Variants in NKAIN3 observed in about 807,000 individuals in gnomAD.
The protein encoded by NKAIN3 is sodium/potassium-transporting ATPase subunit beta-1-interacting protein 3.
In NKAIN3, 25 loss-of-function variants were observed where a neutral mutation model predicts 30.2. The ratio of observed to expected loss-of-function variants is 0.83; its 90% CI spans 0.60 to 1.16. The LOEUF is 1.16. NKAIN3 is among the 50% of genes most tolerant of loss of function. The pLI, the probability that NKAIN3 is intolerant of heterozygous loss-of-function variation, is 0.00. For missense variants in NKAIN3, 225 were observed against 254.1 expected (o/e 0.89, Z 0.78); for synonymous variants, 91 against 89.6 (o/e 1.02, Z -0.09).
At chr8:62,451,079 A>G (rs748532460) in intron 1 of NKAIN3, among the ~76,000 whole-genome samples, 5 of 152,138 alleles carry the variant, frequency 3.3e-5, no homozygotes, top group Non-Finnish European at 7.4e-5. Flanking sequence ...CTTTTTTATT[A>G]TATCAGTTTG....
intron 1 of NKAIN3, among the ~76,000 whole-genome samples, chr8:62,357,318 C>T (rs576425277): frequency 1.3e-5 from 2 of 151,010 alleles, no homozygotes; most frequent in Non-Finnish European, 2.9e-5. Context: ...ACTTGGCAGG[C>T]TGAGGCAGGA....
At chr8:62,643,158 T>G (rs1464787553) in intron 3 of NKAIN3, among the ~76,000 whole-genome samples, 2 of 152,158 alleles carry the variant, frequency 1.3e-5, no homozygotes, top group Non-Finnish European at 2.9e-5. Context: ...AATTAGAGTA[T>G]AGTGGTTTAA....
chr8:62,811,214 G>A (rs113494666), intron 4 of NKAIN3, among the ~76,000 whole-genome samples: 1 of 151,962 alleles, frequency 6.6e-6, no homozygotes, highest in African/African-American at 2.4e-5. Flanking sequence ...TTTTATTACT[G>A]TACTGGTAGT....
intron 4 of NKAIN3, among the ~76,000 whole-genome samples, chr8:62,851,684 CA>C (rs1208076969): frequency 6.6e-6 from 1 of 152,086 alleles, no homozygotes; most frequent in Non-Finnish European, 1.5e-5. Context: ...TGAATTTTGT[CA>C]AAGGCCTTTT....
chr8:62,579,751 T>TCTGTTTGTC, intron 2 of NKAIN3, 75 bp downstream of exon 2: 1 of 853,776 alleles, frequency 1.2e-6, no homozygotes, highest in Non-Finnish European at 1.6e-6. Context: ...AAAATATTTC[T>TCTGTTTGTC]AAGTGGCCCC....
intron 4 of NKAIN3, among the ~76,000 whole-genome samples, chr8:62,755,497 A>T (rs1414326098): frequency 2.6e-5 from 4 of 152,146 alleles, no homozygotes; most frequent in African/African-American, 9.7e-5. Context: ...TTTTAAATGG[A>T]TTATTTCAAC....
intron 1 of NKAIN3, among the ~76,000 whole-genome samples, chr8:62,427,012 C>A (rs955202694): frequency 3.3e-5 from 5 of 151,954 alleles, no homozygotes; most frequent in African/African-American, 1.2e-4. Flanking sequence ...AGGTGATACC[C>A]ATAGAGCAGC....
intron 1 of NKAIN3, among the ~76,000 whole-genome samples, chr8:62,412,662 A>G (rs1236118825): frequency 6.6e-6 from 1 of 151,982 alleles, no homozygotes; most frequent in East Asian, 1.9e-4. Context: ...TGGGAGGCAG[A>G]GGCGGGCGGA....
chr8:62,569,658 C>G (rs960514061), intron 1 of NKAIN3, among the ~76,000 whole-genome samples: 1 of 151,974 alleles, frequency 6.6e-6, no homozygotes, highest in Non-Finnish European at 1.5e-5. Context: ...TACCTGTATT[C>G]CCAGCTGCTT....
chr8:62,686,398 G>A (rs1813801755), intron 3 of NKAIN3, among the ~76,000 whole-genome samples: 1 of 151,740 alleles, frequency 6.6e-6, no homozygotes, highest in Admixed American at 6.6e-5. Flanking sequence ...TGCATTTTTG[G>A]TGTCTGCTTC....
intron 1 of NKAIN3, among the ~76,000 whole-genome samples, chr8:62,350,288 A>G (rs1482744204): frequency 2.0e-5 from 3 of 152,248 alleles, no homozygotes; most frequent in Admixed American, 2.0e-4. Context: ...TCCACCCTTA[A>G]AAAGGAATGT....
At chr8:62,988,429 G>A (rs901128546), downstream of NKAIN3, among the ~76,000 whole-genome samples, 14 of 152,250 alleles carry the variant, frequency 9.2e-5, no homozygotes, top group African/African-American at 3.4e-4. Flanking sequence ...TGGATATCCA[G>A]GTGTTTCCAT....
Position 62,626,511 on chromosome 8 carries a change from A to T in NKAIN3, c.273+36717A>T, listed in dbSNP as rs188408384. Among the ~76,000 whole-genome samples, 421 of 152,176 alleles carry T rather than the reference A, an allele frequency of 2.8e-3. 3 individuals carry two copies. The highest frequency in any genetic ancestry group is 9.8e-3 in the African/African-American group (406 of 41,556). ...ATTCCAGAAGTCCTATTCAGCACTA[A>T]ACTGCAGTATTTCCCAGGGTGGAGG... On this transcript the variant is annotated intron_variant, in intron 3 of 6. Coordinates refer to ENST00000623646, the MANE Select transcript of NKAIN3 (RefSeq NM_001304533.3).
rs1052801281 is a variant in NKAIN3 at position 62,982,524 on chromosome 8, G to A, written c.*17117G>A. Reference sequence around the variant, plus strand: ...TCCAAAATGGCTAAAAGGGCAAAGCGTCAGTAATTCTGTAGACATGCTTCA... The same window carrying A: ...TCCAAAATGGCTAAAAGGGCAAAGCATCAGTAATTCTGTAGACATGCTTCA... On this transcript the variant is annotated 3_prime_UTR_variant, in exon 7 of 7. Transcript: ENST00000623646. 2.0e-5 allele frequency: 3 copies of A among 152,176 alleles called. No individual in the cohort carries two copies. The highest frequency in any genetic ancestry group is 2.4e-5 in the African/African-American group (1 of 41,450). 9.4% of individuals were successfully genotyped at this position (152,176 alleles called of 1,614,324 possible). A position where few individuals can be genotyped will look rare whatever the true frequency, so the allele number is the denominator to read the frequency against.
intron 5 of NKAIN3, among the ~76,000 whole-genome samples, chr8:62,995,407 C>A (rs1416540496): frequency 6.6e-6 from 1 of 152,130 alleles, no homozygotes; most frequent in Non-Finnish European, 1.5e-5. Flanking sequence ...GAATGAGAAT[C>A]CACACAGTGG....
chr8:62,261,099 T>C (rs1357907424), intron 1 of NKAIN3, among the ~76,000 whole-genome samples: 1 of 152,174 alleles, frequency 6.6e-6, no homozygotes, highest in Non-Finnish European at 1.5e-5. Flanking sequence ...AGGGGCTTTC[T>C]TCATAAGGCC....
At chr8:62,354,955 A>G (rs1409122692) in intron 1 of NKAIN3, among the ~76,000 whole-genome samples, 3 of 152,130 alleles carry the variant, frequency 2.0e-5, no homozygotes, top group African/African-American at 2.4e-5. Context: ...AGGGTGATTT[A>G]TCTTTATTAC....
intron 1 of NKAIN3, among the ~76,000 whole-genome samples, chr8:62,476,933 A>C (rs1175408724): frequency 6.6e-6 from 1 of 152,114 alleles, no homozygotes; most frequent in African/African-American, 2.4e-5. Flanking sequence ...AAGACAGGGG[A>C]AATGAAAGGC....
chr8:62,870,691 CTATCTATA>C (rs1294712723), intron 4 of NKAIN3, among the ~76,000 whole-genome samples: 26 of 116,534 alleles, frequency 2.2e-4, no homozygotes, highest in Non-Finnish European at 3.2e-4. Flanking sequence ...CTATATCTCT[CTATCTATA>C]TATCTATATA....
Sources: allele counts gnomAD v4.1 joint callset (sites outside exome capture counted in the v4.1 genomes callset), GRCh38; gene constraint gnomAD v4.1.1; transcripts MANE v1.5; gene names NCBI Gene and HGNC (gene_info 2026-07-23, HGNC 2026-07-21).